The following C12orf42 variants were observed in gnomAD, a reference collection of about 807,000 sequenced individuals.
The protein encoded by C12orf42 is chromosome 12 open reading frame 42.
C12orf42 carries 25 observed loss-of-function variants against 21.6 expected under a neutral mutation model. The observed-to-expected ratio is 1.16, with a 90% CI of 0.84 to 1.62. C12orf42 has a LOEUF of 1.62. Ranked by LOEUF, C12orf42 falls within the 40% of genes most tolerant of loss-of-function variation. The pLI is 0.00. For missense variants in C12orf42, 483 were observed against 459.3 expected (o/e 1.05, Z -0.47); for synonymous variants, 174 against 175.0 (o/e 0.99, Z 0.05).
chr12:103,264,807 G>A (rs142852889), downstream of C12orf42, among the ~76,000 whole-genome samples: 221 of 152,100 alleles, frequency 1.5e-3, 1 homozygote, highest in Non-Finnish European at 2.4e-3. Flanking sequence ...GTCATATATG[G>A]CACTTTTATT....
rs2046272580 is a variant in C12orf42 at position 103,382,513 on chromosome 12, C to T, written c.148-13515G>A. The stretch of plus-strand genomic sequence containing the variant: ...CCTGGCCTTAGCCCATATGCTTTTG[C>T]TTTGACCCTAATGAGATCTACTAAA... On this transcript the variant is annotated intron_variant, in intron 3 of 5. Transcript: ENST00000548883. Among the ~76,000 whole-genome samples the T allele has an allele frequency of 2.0e-5, 3 of 152,180 alleles. No homozygotes were observed. The South Asian group carries it at 6.2e-4, about 32-fold the overall frequency.
intron 3 of C12orf42, among the ~76,000 whole-genome samples, chr12:103,394,712 C>G (rs1320408896): frequency 6.6e-6 from 1 of 152,158 alleles, no homozygotes; most frequent in Non-Finnish European, 1.5e-5. Flanking sequence ...GGAGGGGTGG[C>G]TTTAGTGGGC....
chr12:103,074,789 T>C, the C12orf42 span, among the ~76,000 whole-genome samples: 1 of 152,156 alleles, frequency 6.6e-6, no homozygotes, highest in African/African-American at 2.4e-5. Flanking sequence ...TTAGTTGAGA[T>C]AGATTGAACA....
chr12:103,454,049 C>T (rs1036825522), intron 2 of C12orf42, among the ~76,000 whole-genome samples: 14 of 152,122 alleles, frequency 9.2e-5, no homozygotes, highest in East Asian at 3.9e-4. Context: ...CACAGTCCAT[C>T]GTACAAGGTC....
chr12:103,069,917 A>G, the C12orf42 span, among the ~76,000 whole-genome samples: 1 of 152,150 alleles, frequency 6.6e-6, no homozygotes, highest in South Asian at 2.1e-4. Flanking sequence ...GACTTATCAG[A>G]CTCAAGGCAG....
chr12:103,172,321 G>A, the C12orf42 span, among the ~76,000 whole-genome samples: 2 of 152,116 alleles, frequency 1.3e-5, no homozygotes, highest in Non-Finnish European at 2.9e-5. Context: ...ACGTGGTGAA[G>A]TAACTAAGTG....
the C12orf42 span, among the ~76,000 whole-genome samples, chr12:103,049,057 C>T: frequency 6.6e-6 from 1 of 152,196 alleles, no homozygotes; most frequent in Non-Finnish European, 1.5e-5. Flanking sequence ...CATCCATTCC[C>T]ATGGCTTTAA....
the C12orf42 span, chr12:103,557,511 TCTGC>T: frequency 6.6e-6 from 1 of 152,216 alleles, no homozygotes; most frequent in Non-Finnish European, 1.5e-5. Context: ...CAGATCCTAC[TCTGC>T]CTGGGCCACA....
intron 5 of C12orf42, among the ~76,000 whole-genome samples, chr12:103,276,851 A>C (rs1025256213): frequency 6.6e-6 from 1 of 152,154 alleles, no homozygotes; most frequent in Non-Finnish European, 1.5e-5. Flanking sequence ...AGCCCTCCTC[A>C]TCATCCTCCT....
intron 2 of C12orf42, among the ~76,000 whole-genome samples, chr12:103,430,183 G>GA (rs1295637743): frequency 1.3e-5 from 2 of 152,094 alleles, no homozygotes; most frequent in East Asian, 3.9e-4. Context: ...GCAACTTACA[G>GA]AATGGGAGAA....
chr12:103,409,558 C>A (rs979269218), intron 2 of C12orf42, among the ~76,000 whole-genome samples: 4 of 152,032 alleles, frequency 2.6e-5, no homozygotes, highest in African/African-American at 4.8e-5. Context: ...ATAAGAACAT[C>A]ACTTTGATAC....
At chr12:103,251,098 G>C (rs1198732358) in intron 10 of C12orf42, among the ~76,000 whole-genome samples, 1 of 152,048 alleles carries the variant, frequency 6.6e-6, no homozygotes, top group Non-Finnish European at 1.5e-5. Flanking sequence ...TGATATGCTA[G>C]GATGACAACA....
the C12orf42 span, among the ~76,000 whole-genome samples, chr12:103,138,949 G>C: frequency 2.0e-5 from 3 of 152,036 alleles, no homozygotes; most frequent in African/African-American, 7.2e-5. Flanking sequence ...ATGCAGTTTA[G>C]CACCATCATG....
At chr12:103,329,408 A>G (rs1383607170) in intron 4 of C12orf42, among the ~76,000 whole-genome samples, 1 of 152,160 alleles carries the variant, frequency 6.6e-6, no homozygotes, top group Non-Finnish European at 1.5e-5. Flanking sequence ...GAGGGAGAGC[A>G]TTGGGACAAA....
the C12orf42 span, among the ~76,000 whole-genome samples, chr12:103,199,503 A>G: frequency 6.6e-5 from 10 of 152,218 alleles, no homozygotes; most frequent in South Asian, 2.1e-4. Context: ...CCAAGAATAC[A>G]GTCAACAAAA....
intron 2 of C12orf42, 100 bp downstream of exon 2, chr12:103,478,249 T>C (rs368242997): frequency 1.4e-6 from 1 of 710,054 alleles, no homozygotes; most frequent in Non-Finnish European, 2.4e-6. Context: ...TAAAATATAA[T>C]ATCAATGACA....
chr12:103,523,964 A>G, the C12orf42 span, among the ~76,000 whole-genome samples: 1 of 152,074 alleles, frequency 6.6e-6, no homozygotes, highest in Non-Finnish European at 1.5e-5. Context: ...TGTTGGGGAC[A>G]TGTGGGGACA....
At chr12:103,052,042 G>A in the C12orf42 span, among the ~76,000 whole-genome samples, 1 of 152,030 alleles carries the variant, frequency 6.6e-6, no homozygotes, top group Non-Finnish European at 1.5e-5. Flanking sequence ...AGCAATAGTT[G>A]TTTATTTCTT....
chr12:103,065,697 T>C, the C12orf42 span, among the ~76,000 whole-genome samples: 2 of 152,238 alleles, frequency 1.3e-5, no homozygotes, highest in East Asian at 3.8e-4. Flanking sequence ...GTAAAATTTC[T>C]AGGGGCCCAG....
Sources: allele counts gnomAD v4.1 joint callset (sites outside exome capture counted in the v4.1 genomes callset), GRCh38; gene constraint gnomAD v4.1.1; transcripts MANE v1.5; gene names NCBI Gene and HGNC (gene_info 2026-07-23, HGNC 2026-07-21).